The following THSD7B variants were observed in gnomAD, a reference collection of about 807,000 sequenced individuals.
THSD7B encodes the protein thrombospondin type-1 domain-containing protein 7B.
A neutral mutation model predicts 213.6 loss-of-function variants in THSD7B; 138 were observed. The ratio of observed to expected loss-of-function variants is 0.65; its 90% CI spans 0.56 to 0.74. The LOEUF (loss-of-function observed/expected upper bound fraction) is 0.74, where lower values mean the gene tolerates loss of function less well. Among genes scored for constraint, THSD7B ranks in the 30% least tolerant of loss-of-function variants. THSD7B has a pLI of 0.00. For missense variants in THSD7B, 1,931 were observed against 1,991.5 expected, an observed-to-expected ratio of 0.97 and a Z score of 0.58; for synonymous variants, 742 against 687.0, an observed-to-expected ratio of 1.08 and a Z score of -1.25.
At chr2:137,510,902 T>A (rs557350417) in intron 15 of THSD7B, among the ~76,000 whole-genome samples, 2 of 152,292 alleles carry the variant, frequency 1.3e-5, no homozygotes, top group South Asian at 4.1e-4. Context: ...TTAGTTAATA[T>A]TTTTCATGAT....
intron 10 of THSD7B, among the ~76,000 whole-genome samples, chr2:137,246,902 A>G (rs892158826): frequency 5.3e-5 from 8 of 152,124 alleles, no homozygotes; most frequent in South Asian, 2.1e-4. Flanking sequence ...AGTTTTTTCA[A>G]TGGACTGATG....
At chr2:137,576,739 G>C (rs946666233) in intron 17 of THSD7B, among the ~76,000 whole-genome samples, 27 of 151,986 alleles carry the variant, frequency 1.8e-4, no homozygotes, top group African/African-American at 6.5e-4. Flanking sequence ...AAAGAGAAAT[G>C]CATGCCGGTT....
intron 21 of THSD7B, among the ~76,000 whole-genome samples, chr2:137,647,041 C>G (rs142769382): frequency 1.3e-5 from 2 of 152,150 alleles, no homozygotes; most frequent in African/African-American, 4.8e-5. Context: ...GCAGCTTATC[C>G]GTGACCTTCC....
chr2:137,106,683 TAAAC>T (rs1688258649), intron 4 of THSD7B, among the ~76,000 whole-genome samples: 1 of 152,122 alleles, frequency 6.6e-6, no homozygotes. Flanking sequence ...ACAAGGAACT[TAAAC>T]AAATTTACAG....
In THSD7B at chr2:136,801,316, T is replaced by A. The variant is rs113180763; in HGVS notation, c.-36+35629T>A. 6.4e-3 allele frequency among the ~76,000 whole-genome samples: 979 copies of A among 152,204 alleles called. 18 individuals are homozygous for A. The highest frequency in any genetic ancestry group is 0.022 in the African/African-American group (917 of 41,540). On this transcript the variant is annotated intron_variant, in intron 1 of 27. Coordinates refer to ENST00000409968, the MANE Select transcript of THSD7B (RefSeq NM_001316349.2). Reference sequence around the variant, plus strand: ...AGTTCAGTTTCCATTCTGTAGACTTTATCTAGAATCATTTGAGGTAGCATT... The same window carrying A: ...AGTTCAGTTTCCATTCTGTAGACTTAATCTAGAATCATTTGAGGTAGCATT...
intron 12 of THSD7B, among the ~76,000 whole-genome samples, chr2:137,305,686 A>G (rs930708677): frequency 6.6e-6 from 1 of 152,084 alleles, no homozygotes; most frequent in African/African-American, 2.4e-5. Context: ...CCCCTTTTAA[A>G]TCTCTTAGAC....
chr2:136,883,069 A>C (rs1683652596), intron 2 of THSD7B, among the ~76,000 whole-genome samples: 1 of 152,090 alleles, frequency 6.6e-6, no homozygotes, highest in Non-Finnish European at 1.5e-5. Flanking sequence ...TTTAAGTTTC[A>C]CAATCAGATC....
At chr2:137,412,001 G>C in intron 14 of THSD7B, 129 bp downstream of exon 14, 2 of 1,085,104 alleles carry the variant, frequency 1.8e-6, no homozygotes, top group Non-Finnish European at 2.6e-6. Flanking sequence ...ATAACACATT[G>C]TCTCTCATAA....
In THSD7B at chr2:137,657,050, C is replaced by A. The variant is rs748351115; in HGVS notation, c.4280-15C>A. The A allele has an allele frequency of 5.1e-5, 83 of 1,613,500 alleles. No individual in the cohort carries two copies. Among genetic ancestry groups the A allele is most frequent in the Admixed American group, 1.7e-5 (1 of 59,978 alleles). On this transcript the variant is annotated splice_polypyrimidine_tract_variant and intron_variant, in intron 23 of 27. Transcript: ENST00000409968. ...TGAGGTGTAATAGAACTGCTATTAT[C>A]ATATTTACTTACAGGAGGCAAATGT...
At chr2:137,370,345 A>G (rs1210123570) in intron 12 of THSD7B, among the ~76,000 whole-genome samples, 1 of 152,190 alleles carries the variant, frequency 6.6e-6, no homozygotes, top group Admixed American at 6.6e-5. Context: ...CCCAGCATCA[A>G]CTACTATCAA....
At chr2:136,981,254 G>T (rs151083040) in intron 2 of THSD7B, among the ~76,000 whole-genome samples, 1 of 152,140 alleles carries the variant, frequency 6.6e-6, no homozygotes, top group Non-Finnish European at 1.5e-5. Flanking sequence ...CCTTGTGAAT[G>T]GTGGTAAGTG....
chr2:137,445,999 C>T (rs1005453014), intron 14 of THSD7B, among the ~76,000 whole-genome samples: 1 of 150,604 alleles, frequency 6.6e-6, no homozygotes, highest in Non-Finnish European at 1.5e-5. Flanking sequence ...AAGATTCTCC[C>T]GGATCTTAGC....
At chr2:137,630,160 A>C (rs1682714299) in intron 20 of THSD7B, among the ~76,000 whole-genome samples, 1 of 151,960 alleles carries the variant, frequency 6.6e-6, no homozygotes, top group African/African-American at 2.4e-5. Flanking sequence ...CACCTGATTA[A>C]ATTTTCTATT....
At chr2:137,464,033 A>G (rs529620051) in intron 15 of THSD7B, among the ~76,000 whole-genome samples, 1 of 152,128 alleles carries the variant, frequency 6.6e-6, no homozygotes, top group South Asian at 2.1e-4. Context: ...GATGGCTCCT[A>G]TGGTTAGGAG....
At chr2:137,265,433 A>G (rs1230272599) in intron 10 of THSD7B, among the ~76,000 whole-genome samples, 1 of 152,218 alleles carries the variant, frequency 6.6e-6, no homozygotes, top group Non-Finnish European at 1.5e-5. Context: ...AGAACTAGAA[A>G]TACCATTTGA....
intron 1 of THSD7B, among the ~76,000 whole-genome samples, chr2:136,861,624 G>A (rs1683260604): frequency 6.6e-6 from 1 of 152,156 alleles, no homozygotes; most frequent in Non-Finnish European, 1.5e-5. Flanking sequence ...ATAATCAAAT[G>A]TCTACTCTGT....
At chr2:137,366,361 A>T (rs1020086859) in intron 12 of THSD7B, among the ~76,000 whole-genome samples, 6 of 151,978 alleles carry the variant, frequency 3.9e-5, no homozygotes, top group Admixed American at 6.6e-5. Context: ...TGCAAGTTGT[A>T]TGCATGTACC....
chr2:137,151,207 A>T (rs1198101131), intron 5 of THSD7B, among the ~76,000 whole-genome samples: 1 of 151,962 alleles, frequency 6.6e-6, no homozygotes, highest in African/African-American at 2.4e-5. Flanking sequence ...AAAACTTTTA[A>T]CTCTTTTGTT....
Position 137,553,529 on chromosome 2 carries a change from C to T in THSD7B, c.3139-9692C>T, listed in dbSNP as rs919685772. 5.3e-5 allele frequency among the ~76,000 whole-genome samples: 8 copies of T among 152,004 alleles called. No homozygotes were observed. The South Asian group carries it at 1.2e-3, about 24-fold the overall frequency. The stretch of plus-strand genomic sequence containing the variant: ...AATGAATGAGTTTATGATATGACTC[C>T]GGAACTGGCAAAATTATAAAAACAC... On this transcript the variant is annotated intron_variant, in intron 15 of 27. Coordinates refer to ENST00000409968, the MANE Select transcript of THSD7B (RefSeq NM_001316349.2).
Sources: gnomAD v4.1 joint callset for allele counts (sites outside exome capture counted in the v4.1 genomes callset) on GRCh38, gnomAD v4.1.1 for gene constraint, MANE v1.5 for transcripts, NCBI Gene and HGNC (gene_info 2026-07-23, HGNC 2026-07-21) for gene names.